Variants in EYS observed in about 807,000 individuals in gnomAD.
The protein encoded by EYS is protein eyes shut homolog.
EYS carries 250 observed loss-of-function variants against 282.1 expected under a neutral mutation model. The ratio of observed to expected loss-of-function variants is 0.89; its 90% CI spans 0.80 to 0.98. The LOEUF is 0.98. EYS is among the 50% of genes least tolerant of loss of function. The pLI, the probability that EYS is intolerant of heterozygous loss-of-function variation, is 0.00. For missense variants in EYS, 4,016 were observed against 3,709.0 expected (o/e 1.08, Z -2.15); for synonymous variants, 1,355 against 1,282.9 (o/e 1.06, Z -1.20).
chr6:65,184,680 T>C lies in EYS; in HGVS notation c.2023+111183A>G, dbSNP rs113729223. Among the ~76,000 whole-genome samples the C allele has an allele frequency of 8.0e-3, 1,208 of 151,806 alleles. 10 individuals are homozygous for C. Among genetic ancestry groups the C allele is most frequent in the African/African-American group, 0.026 (1,093 of 41,514 alleles). ...ATTAATAATAACATATTTTTAAAAC[T>C]GAATTTAAAAATAATTAAGAAAAAT... On this transcript the variant is annotated intron_variant, in intron 12 of 42. Transcript: ENST00000503581.
chr6:65,080,559 T>C (rs1005497434), intron 12 of EYS, among the ~76,000 whole-genome samples: 2 of 152,122 alleles, frequency 1.3e-5, no homozygotes, highest in Non-Finnish European at 2.9e-5. Flanking sequence ...TTTGGCATTG[T>C]CTCAATATAC....
intron 12 of EYS, among the ~76,000 whole-genome samples, chr6:65,180,412 A>G (rs1343756117): frequency 6.6e-6 from 1 of 152,068 alleles, no homozygotes; most frequent in Non-Finnish European, 1.5e-5. Context: ...TACACCAATA[A>G]CAGACAAACA....
intron 35 of EYS, among the ~76,000 whole-genome samples, chr6:63,963,120 G>T (rs1293490603): frequency 9.9e-5 from 7 of 70,438 alleles, no homozygotes; most frequent in Admixed American, 1.5e-4. Flanking sequence ...GGGGTGGGGG[G>T]AAGGGGGAGG....
chr6:65,406,344 G>A (rs954814209), intron 5 of EYS, among the ~76,000 whole-genome samples: 1 of 151,972 alleles, frequency 6.6e-6, no homozygotes, highest in Non-Finnish European at 1.5e-5. Context: ...TATGATATAC[G>A]TGATTTGGCT....
At chr6:63,798,689 T>C (rs1327082953) in intron 37 of EYS, among the ~76,000 whole-genome samples, 4 of 152,154 alleles carry the variant, frequency 2.6e-5, no homozygotes, top group Non-Finnish European at 4.4e-5. Context: ...TTTTCTGTTC[T>C]GTAGGGTGAC....
chr6:65,690,008 T>G lies in EYS; in HGVS notation c.-448+17127A>C, dbSNP rs182124596. Among the ~76,000 whole-genome samples the G allele has an allele frequency of 2.9e-3, 440 of 149,590 alleles. 16 individuals are homozygous for G. The highest frequency in any genetic ancestry group is 0.01 in the African/African-American group (423 of 41,136). ...TTACTAAGTTTAGTGAGGGCGCGGG[T>G]AGGTTAGTGAGGGATTTAGGGTCAT... is the stretch of plus-strand genomic sequence containing the variant. On this transcript the variant is annotated intron_variant, in intron 1 of 42. Coordinates refer to ENST00000503581, the MANE Select transcript of EYS (RefSeq NM_001142800.2).
At chr6:64,737,150 AT>A (rs1228822097) in intron 22 of EYS, among the ~76,000 whole-genome samples, 1 of 152,184 alleles carries the variant, frequency 6.6e-6, no homozygotes, top group Non-Finnish European at 1.5e-5. Context: ...ATTTTTTGTG[AT>A]AGAAATCTTA....
intron 11 of EYS, chr6:65,330,515 AT>A: frequency 1.0e-6 from 1 of 984,290 alleles, no homozygotes. Flanking sequence ...CCCCAGAAAA[AT>A]TTTTTGAAGA....
In EYS at chr6:64,129,205, T is replaced by C. The variant is rs549868099; in HGVS notation, c.6425-47203A>G. On this transcript the variant is annotated intron_variant, in intron 31 of 42. Coordinates refer to ENST00000503581, the MANE Select transcript of EYS (RefSeq NM_001142800.2). The stretch of plus-strand genomic sequence containing the variant: ...ATAGAAAAAATTTTCACACACTAAC[T>C]TCCACAGTGGTTGAACTAGTTTACA... Among the ~76,000 whole-genome samples the C allele has an allele frequency of 3.3e-5, 5 of 152,312 alleles. No individual in the cohort carries two copies. The East Asian group carries it at 9.6e-4, about 29-fold the overall frequency.
At chr6:65,507,736 A>C (rs971082483) in intron 2 of EYS, among the ~76,000 whole-genome samples, 2 of 151,936 alleles carry the variant, frequency 1.3e-5, no homozygotes. Flanking sequence ...TGAACCTATC[A>C]ATGGTCTTTA....
chr6:64,990,299 C>T (rs1771021673), intron 14 of EYS, among the ~76,000 whole-genome samples: 1 of 151,172 alleles, frequency 6.6e-6, no homozygotes, highest in Non-Finnish European at 1.5e-5. Flanking sequence ...ATATGGTCAA[C>T]TAATTAAAAA....
intron 19 of EYS, among the ~76,000 whole-genome samples, chr6:64,826,386 A>T (rs1357747656): frequency 6.6e-6 from 1 of 151,802 alleles, no homozygotes; most frequent in Non-Finnish European, 1.5e-5. Context: ...GTGGTTCTAA[A>T]GTTTTTTATT....
chr6:63,833,058 G>T (rs1188416950), intron 36 of EYS, among the ~76,000 whole-genome samples: 1 of 152,050 alleles, frequency 6.6e-6, no homozygotes, highest in Non-Finnish European at 1.5e-5. Context: ...GTATTGATGG[G>T]ATGTATCTCA....
At chr6:64,131,224 A>C (rs756456281) in intron 31 of EYS, among the ~76,000 whole-genome samples, 1 of 152,150 alleles carries the variant, frequency 6.6e-6, no homozygotes, top group Non-Finnish European at 1.5e-5. Context: ...GAGGGGAGTG[A>C]CGTGGTATGA....
At chr6:65,460,711 C>T (rs1014653288) in intron 5 of EYS, among the ~76,000 whole-genome samples, 5 of 151,926 alleles carry the variant, frequency 3.3e-5, no homozygotes, top group African/African-American at 7.3e-5. Context: ...GTGTTTTGGC[C>T]TGAACAAATC....
chr6:64,890,861 T>C (rs928457883), intron 18 of EYS, among the ~76,000 whole-genome samples: 6 of 152,144 alleles, frequency 3.9e-5, no homozygotes, highest in African/African-American at 1.4e-4. Context: ...TGATCCTTTC[T>C]TCTAAGAATG....
chr6:65,408,596 A>G (rs1439120503), intron 5 of EYS, among the ~76,000 whole-genome samples: 2 of 151,996 alleles, frequency 1.3e-5, no homozygotes, highest in Non-Finnish European at 2.9e-5. Flanking sequence ...TATTTTATTT[A>G]CTTGTGTCTT....
chr6:65,493,241 T>G (rs926071852), intron 4 of EYS, among the ~76,000 whole-genome samples: 1 of 152,120 alleles, frequency 6.6e-6, no homozygotes, highest in African/African-American at 2.4e-5. Flanking sequence ...TCACACAGCC[T>G]CTTTAAACTT....
At chr6:64,243,404 G>T (rs938341445) in intron 30 of EYS, among the ~76,000 whole-genome samples, 1 of 152,130 alleles carries the variant, frequency 6.6e-6, no homozygotes, top group African/African-American at 2.4e-5. Flanking sequence ...GAGGATTTCT[G>T]CTCTGTATAG....
Sources: gnomAD v4.1 joint callset for allele counts (sites outside exome capture counted in the v4.1 genomes callset) on GRCh38, gnomAD v4.1.1 for gene constraint, MANE v1.5 for transcripts, NCBI Gene and HGNC (gene_info 2026-07-23, HGNC 2026-07-21) for gene names.